The following PPP2R5C variants were observed in gnomAD, a reference collection of about 807,000 sequenced individuals.
PPP2R5C encodes the protein serine/threonine-protein phosphatase 2A 56 kDa regulatory subunit gamma isoform.
A neutral mutation model predicts 68.9 loss-of-function variants in PPP2R5C; 7 were observed. The ratio of observed to expected loss-of-function variants is 0.10; its 90% CI spans 0.06 to 0.19. The LOEUF is 0.19. PPP2R5C is among the 10% of genes least tolerant of loss of function. The pLI is 1.00. For synonymous variants in PPP2R5C, 210 were observed against 222.2 expected (o/e 0.95, Z 0.49); for missense variants, 348 against 641.3 (o/e 0.54, Z 4.94).
chr14:101,785,731 T>C (rs1384595564), intron 2 of PPP2R5C, among the ~76,000 whole-genome samples: 2 of 152,242 alleles, frequency 1.3e-5, no homozygotes, highest in Non-Finnish European at 2.9e-5. Flanking sequence ...TGGACATCTT[T>C]AGGCGTCATT....
At chr14:101,761,177 G>C (rs75756790), upstream of PPP2R5C, among the ~76,000 whole-genome samples, 4,501 of 152,274 alleles carry the variant, frequency 0.03, 113 homozygotes, top group East Asian at 0.15. Flanking sequence ...TCAGTGCAAA[G>C]CGTGCCAGGC....
In PPP2R5C at chr14:101,862,980, T is replaced by C. The variant is rs191311802; in HGVS notation, c.294+6095T>C. Among the ~76,000 whole-genome samples, 337 of 152,174 alleles carry C rather than the reference T, an allele frequency of 2.2e-3. 3 individuals are homozygous for C. The highest frequency in any genetic ancestry group is 7.4e-3 in the African/African-American group (309 of 41,530). ...AGTAGCTGAGTCTACACTGCAAGTG[T>C]GCGCCACCACAACTGGCTAATTTTT... On this transcript the variant is annotated intron_variant, in intron 2 of 13. Coordinates refer to ENST00000334743, the Ensembl canonical transcript of PPP2R5C.
chr14:101,836,169 T>C, intron 1 of PPP2R5C: 1 of 701,336 alleles, frequency 1.4e-6, no homozygotes, highest in Non-Finnish European at 2.6e-6. Flanking sequence ...TTTTTTGCAG[T>C]TGAGGCTGTG....
upstream of PPP2R5C, among the ~76,000 whole-genome samples, chr14:101,806,788 C>T (rs2039095840): frequency 6.6e-6 from 1 of 151,794 alleles, no homozygotes; most frequent in Admixed American, 6.6e-5. Flanking sequence ...TAGTAGAGAC[C>T]TCATCTCTAC....
chr14:101,904,850 G>A (rs755812538), intron 9 of PPP2R5C, among the ~76,000 whole-genome samples: 3 of 152,254 alleles, frequency 2.0e-5, no homozygotes, highest in Non-Finnish European at 4.4e-5. Context: ...CTTCCCAGAG[G>A]CATACATGCT....
intron 1 of PPP2R5C, among the ~76,000 whole-genome samples, chr14:101,844,522 G>T (rs909712023): frequency 3.4e-4 from 52 of 152,292 alleles, no homozygotes; most frequent in African/African-American, 1.0e-3. Context: ...GTCTGTCACC[G>T]ACCCTCCCTG....
chr14:101,816,917 A>T (rs980988761), intron 1 of PPP2R5C, among the ~76,000 whole-genome samples: 360 of 140,618 alleles, frequency 2.6e-3, no homozygotes, highest in Non-Finnish European at 4.6e-3. Context: ...TATAATATAT[A>T]TATTTATATA....
intron 3 of PPP2R5C, among the ~76,000 whole-genome samples, chr14:101,800,651 CA>C (rs201617260): frequency 0.14 from 17,610 of 124,258 alleles, 1,110 homozygotes; most frequent in Admixed American, 0.21. Context: ...TTAGCAATAC[CA>C]AAAAAAAAAA....
At chr14:101,839,505 C>G (rs78026433) in intron 1 of PPP2R5C, 4,088 of 152,530 alleles carry the variant, frequency 0.027, 173 homozygotes, top group African/African-American at 0.09. Flanking sequence ...CTGACCTGAG[C>G]TGGTGAGGCT....
At chr14:101,868,781 A>C (rs934328755) in intron 2 of PPP2R5C, among the ~76,000 whole-genome samples, 6 of 152,180 alleles carry the variant, frequency 3.9e-5, no homozygotes, top group Admixed American at 3.9e-4. Flanking sequence ...AACTTTTTTT[A>C]AATTAATTTT....
Position 101,802,013 on chromosome 14 carries a change from A to G in PPP2R5C, c.259+15830A>G, listed in dbSNP as rs986587864. ...TGAGCCCAGAAACAAACCCTCACAT[A>G]GGTGGTCAAACGAGTTTTGACAAGG... On this transcript the variant is annotated intron_variant, in intron 3 of 14. Coordinates refer to the PPP2R5C transcript ENST00000328724. Among the ~76,000 whole-genome samples the G allele has an allele frequency of 3.3e-5, 5 of 152,358 alleles. No homozygotes were observed. In the South Asian group the frequency reaches 1.0e-3, roughly 32 times the overall value.
intron 2 of PPP2R5C, among the ~76,000 whole-genome samples, chr14:101,858,614 T>C (rs1737229940): frequency 6.6e-6 from 1 of 152,230 alleles, no homozygotes; most frequent in Admixed American, 6.5e-5. Context: ...ACATCATGTA[T>C]TGACTATTTC....
Position 101,891,622 on chromosome 14 carries a change from G to A in PPP2R5C, c.689+1326G>A, listed in dbSNP as rs78827849. The stretch of plus-strand genomic sequence containing the variant: ...GTAGGGCCCCCGTGTGCATAGGGCC[G>A]CCGGGCAGCTCCCGCCGAGAGGCTG... On this transcript the variant is annotated intron_variant, in intron 6 of 13. Transcript: ENST00000334743. The surrounding 1 kb of genome is among the most constrained non-coding windows in gnomAD (Gnocchi z 4.9). 0.079 allele frequency among the ~76,000 whole-genome samples: 11,953 copies of A among 152,094 alleles called. 623 individuals carry two copies. The highest frequency in any genetic ancestry group is 0.26 in the East Asian group (1,327 of 5,132).
At chr14:101,837,769 T>C (rs7144046) in intron 1 of PPP2R5C, among the ~76,000 whole-genome samples, 3,861 of 152,288 alleles carry the variant, frequency 0.025, 163 homozygotes, top group African/African-American at 0.088. Context: ...AATAAATATG[T>C]TGAAAGCACT....
At chr14:101,859,634 G>A (rs1027868093) in intron 2 of PPP2R5C, among the ~76,000 whole-genome samples, 8 of 152,208 alleles carry the variant, frequency 5.3e-5, no homozygotes, top group Non-Finnish European at 8.8e-5. Flanking sequence ...GAACACAGGC[G>A]GTGGGGTGGT....
intron 2 of PPP2R5C, among the ~76,000 whole-genome samples, chr14:101,863,735 A>G (rs112155694): frequency 0.034 from 5,173 of 152,222 alleles, 136 homozygotes; most frequent in African/African-American, 0.074. Context: ...CACCTCTACT[A>G]AAAATACAAA....
intron 10 of PPP2R5C, among the ~76,000 whole-genome samples, chr14:101,907,916 G>A (rs188929614): frequency 5.9e-5 from 9 of 152,254 alleles, no homozygotes; most frequent in East Asian, 3.9e-4. Context: ...CCAGACCCCC[G>A]AGCGAGCGTC....
At chr14:101,871,757 CT>C (rs2043433790) in intron 2 of PPP2R5C, among the ~76,000 whole-genome samples, 1 of 151,906 alleles carries the variant, frequency 6.6e-6, no homozygotes, top group Non-Finnish European at 1.5e-5. Flanking sequence ...CATTTGTTGG[CT>C]TCTTTATGAT....
intron 3 of PPP2R5C, among the ~76,000 whole-genome samples, chr14:101,788,319 A>T (rs193031701): frequency 1.2e-4 from 18 of 152,266 alleles, no homozygotes; most frequent in Non-Finnish European, 2.6e-4. Context: ...TCTCCTTAAG[A>T]TGTTAAGATT....
Sources: gnomAD v4.1 joint callset for allele counts (sites outside exome capture counted in the v4.1 genomes callset) on GRCh38, gnomAD v4.1.1 for gene constraint, Gnocchi (gnomAD v3.1) non-coding constraint, MANE v1.5 for transcripts, NCBI Gene and HGNC (gene_info 2026-07-23, HGNC 2026-07-21) for gene names.